RBFOX3: variants seen among roughly 807,000 people sequenced by gnomAD.
RBFOX3 encodes RNA binding fox-1 homolog 3, also known as RNA binding protein fox-1 homolog 3.
A neutral mutation model predicts 48.7 loss-of-function variants in RBFOX3; 17 were observed. The ratio of observed to expected loss-of-function variants is 0.35; its 90% CI spans 0.24 to 0.52. The LOEUF is 0.52. Ranked by LOEUF, RBFOX3 falls within the 20% of genes least tolerant of loss-of-function variation. The probability of loss-of-function intolerance (pLI) is 0.94; values close to 1 mark genes in which losing one functional copy is unlikely to be tolerated. For synonymous variants in RBFOX3, 212 were observed against 209.5 expected, an observed-to-expected ratio of 1.01 and a Z score of -0.10; for missense variants, 382 against 497.5, an observed-to-expected ratio of 0.77 and a Z score of 2.21.
the RBFOX3 span, among the ~76,000 whole-genome samples, chr17:79,641,950 C>G: frequency 6.6e-6 from 1 of 152,142 alleles, no homozygotes; most frequent in Admixed American, 6.6e-5. Context: ...TTTCCTGAGG[C>G]CTCCCCAGAA....
At chr17:79,190,576 T>A (rs920567079) in intron 4 of RBFOX3, among the ~76,000 whole-genome samples, 1 of 152,212 alleles carries the variant, frequency 6.6e-6, no homozygotes, top group Non-Finnish European at 1.5e-5. Context: ...TCTCTTTTTT[T>A]TCCCCTTGAA....
chr17:79,149,736 G>T (rs918771406), intron 4 of RBFOX3, among the ~76,000 whole-genome samples: 6 of 151,380 alleles, frequency 4.0e-5, no homozygotes, highest in Non-Finnish European at 7.4e-5. Context: ...TGTCGAGTGG[G>T]GTCAGTAAAC....
intron 14 of RBFOX3, 42 bp downstream of exon 14, chr17:79,094,408 GT>G: frequency 7.0e-7 from 1 of 1,424,066 alleles, no homozygotes. Flanking sequence ...ATGCCCAGCT[GT>G]TAGGACTGGC....
chr17:79,365,145 ACTCT>A (rs929665672), intron 2 of RBFOX3, among the ~76,000 whole-genome samples: 10 of 151,106 alleles, frequency 6.6e-5, no homozygotes, highest in African/African-American at 2.2e-4. Flanking sequence ...ACACACACAC[ACTCT>A]CTCATGCACA....
chr17:79,607,245 T>A (rs1190624785), intron 1 of RBFOX3, among the ~76,000 whole-genome samples: 1 of 152,188 alleles, frequency 6.6e-6, no homozygotes, highest in East Asian at 1.9e-4. Context: ...TCAAGATGGC[T>A]TCTTCCCCTT....
At chr17:79,277,395 A>C (rs1291868603) in intron 3 of RBFOX3, among the ~76,000 whole-genome samples, 1 of 152,190 alleles carries the variant, frequency 6.6e-6, no homozygotes, top group Non-Finnish European at 1.5e-5. Context: ...CAATCAGGTT[A>C]ATACACATTC....
At chr17:79,139,926 G>A (rs769800965) in intron 4 of RBFOX3, among the ~76,000 whole-genome samples, 48 of 152,156 alleles carry the variant, frequency 3.2e-4, no homozygotes, top group Admixed American at 9.2e-4. Context: ...GAAAACTGAC[G>A]CCGAGAGAAG....
In RBFOX3 at chr17:79,381,383, T is replaced by C. The variant is rs187516896; in HGVS notation, c.-174-73559A>G. On this transcript the variant is annotated intron_variant, in intron 2 of 14. Transcript: ENST00000693108. ...AATGTAAAAACCATGCATGAGATGG[T>C]GTACATGTTTTTCTTTGTACGGAGT... 9.8e-3 allele frequency among the ~76,000 whole-genome samples: 1,491 copies of C among 152,296 alleles called. 21 individuals are homozygous for C. The highest frequency in any genetic ancestry group is 0.02 in the Middle Eastern group (6 of 294).
At chr17:79,550,122 G>A (rs1358349664) in intron 1 of RBFOX3, among the ~76,000 whole-genome samples, 1 of 152,158 alleles carries the variant, frequency 6.6e-6, no homozygotes, top group African/African-American at 2.4e-5. Context: ...TGTCAGGCCT[G>A]TGAACCTGAA....
intron 4 of RBFOX3, among the ~76,000 whole-genome samples, chr17:79,161,535 C>T (rs2046983310): frequency 6.6e-6 from 1 of 152,200 alleles, no homozygotes; most frequent in African/African-American, 2.4e-5. Flanking sequence ...GGCCTGCCTG[C>T]TCTTGCAGCT....
At chr17:79,624,839 G>A in the RBFOX3 span, among the ~76,000 whole-genome samples, 75,550 of 120,774 alleles carry the variant, frequency 0.63, 21,538 homozygotes, top group Middle Eastern at 0.75. Flanking sequence ...CCCATCCCTC[G>A]AGGAGAACCA....
upstream of RBFOX3, among the ~76,000 whole-genome samples, chr17:79,611,130 T>TCTCTCTCTCTCTCTCTCTCTCTC (rs1491548376): frequency 0.014 from 537 of 37,808 alleles, 239 homozygotes; most frequent in South Asian, 0.027. Context: ...TCCGCCCTCC[T>TCTCTCTCTCTCTCTCTCTCTCTC]TCTCTCTCTC....
chr17:79,581,385 C>T (rs1320648758), intron 1 of RBFOX3, among the ~76,000 whole-genome samples: 2 of 152,270 alleles, frequency 1.3e-5, no homozygotes, highest in Non-Finnish European at 2.9e-5. Flanking sequence ...TCTGACCACT[C>T]CTTCAGGGGT....
chr17:79,112,397 C>A (rs1405885634), intron 5 of RBFOX3, among the ~76,000 whole-genome samples: 2 of 152,116 alleles, frequency 1.3e-5, no homozygotes, highest in Non-Finnish European at 2.9e-5. Flanking sequence ...GACTTCCCAC[C>A]AATTGCTGGC....
At chr17:79,417,225 G>C (rs767677636) in intron 2 of RBFOX3, among the ~76,000 whole-genome samples, 157 of 152,316 alleles carry the variant, frequency 1.0e-3, no homozygotes, top group Non-Finnish European at 1.5e-3. Flanking sequence ...GCTTCTCCTT[G>C]CTCCCCGTAA....
intron 3 of RBFOX3, among the ~76,000 whole-genome samples, chr17:79,276,328 G>A (rs1297742077): frequency 1.3e-5 from 2 of 152,198 alleles, no homozygotes; most frequent in African/African-American, 2.4e-5. Context: ...CCCCTGAATT[G>A]TACACCCTAA....
chr17:79,167,574 G>T (rs568726880), intron 4 of RBFOX3, among the ~76,000 whole-genome samples: 1 of 152,264 alleles, frequency 6.6e-6, no homozygotes, highest in South Asian at 2.1e-4. Context: ...TACAGATGAG[G>T]GCACTCAAGC....
intron 1 of RBFOX3, among the ~76,000 whole-genome samples, chr17:79,595,114 G>A (rs992016734): frequency 2.6e-4 from 40 of 152,188 alleles, no homozygotes; most frequent in Non-Finnish European, 4.9e-4. Context: ...AGTAACAGCA[G>A]GAATGACCCC....
At position 79,418,954 on chromosome 17, in the gene RBFOX3, A is replaced by C. The variant is rs1359595622; in HGVS notation, c.-175+63500T>G. Among the ~76,000 whole-genome samples the C allele has an allele frequency of 6.6e-6, 1 of 152,204 alleles. No homozygotes were observed. Among genetic ancestry groups the C allele is most frequent in the Admixed American group, 6.5e-5 (1 of 15,288 alleles). On this transcript the variant is annotated intron_variant, in intron 2 of 14. Coordinates refer to ENST00000693108, the MANE Select transcript of RBFOX3 (RefSeq NM_001350451.2). The surrounding 1 kb of genome is among the most constrained non-coding windows in gnomAD (Gnocchi z 5.0). Reference sequence around the variant, plus strand: ...TATATTCACATTCTGCTAGACAAATAGATTTTACAAGCCCTCAGTTAAATG... The same window carrying C: ...TATATTCACATTCTGCTAGACAAATCGATTTTACAAGCCCTCAGTTAAATG...
Sources: allele counts gnomAD v4.1 joint callset (sites outside exome capture counted in the v4.1 genomes callset), GRCh38; gene constraint gnomAD v4.1.1; non-coding constraint Gnocchi (gnomAD v3.1); transcripts MANE v1.5; gene names NCBI Gene and HGNC (gene_info 2026-07-23, HGNC 2026-07-21).